ZP2: variants seen among roughly 807,000 people sequenced by gnomAD.
The protein encoded by ZP2 is zona pellucida glycoprotein 2.
In ZP2, 51 loss-of-function variants were observed where a neutral mutation model predicts 84.0. The observed-to-expected ratio is 0.61, with a 90% confidence interval of 0.49 to 0.77. The LOEUF (loss-of-function observed/expected upper bound fraction) is 0.77. ZP2 is among the 30% of genes least tolerant of loss of function. ZP2 has a pLI of 0.00. For missense variants in ZP2, 909 were observed against 911.9 expected, an observed-to-expected ratio of 1.00 and a Z score of 0.04; for synonymous variants, 375 against 330.9, an observed-to-expected ratio of 1.13 and a Z score of -1.45.
At position 21,202,832 on chromosome 16, in the gene ZP2, C is replaced by A. The variant is rs571657451; in HGVS notation, c.1099+293G>T. Among the ~76,000 whole-genome samples the A allele has an allele frequency of 9.2e-5, 14 of 152,122 alleles. No homozygotes were observed. The East Asian group carries it at 2.5e-3, about 27-fold the overall frequency. ...GGTGGGGGGGTACTTAAACTTAATTCTAATTAGAAGTTTGAATATTCTTAC... is the reference window on the plus strand; with the variant it reads ...GGTGGGGGGGTACTTAAACTTAATTATAATTAGAAGTTTGAATATTCTTAC... On this transcript the variant is annotated intron_variant, in intron 10 of 18. Coordinates refer to ENST00000574091, the MANE Select transcript of ZP2 (RefSeq NM_001376232.1).
In ZP2 at chr16:21,204,890, A is replaced by C. The variant is rs371925125; in HGVS notation, c.694-486T>G. 9.8e-5 allele frequency among the ~76,000 whole-genome samples: 15 copies of C among 152,358 alleles called. No individual in the cohort carries two copies. In the East Asian group the frequency reaches 1.5e-3, roughly 16 times the overall value. Reference sequence around the variant, plus strand: ...AACAATATAGGACAATGACAACCCAAACAGAACCCCTTAACCCATAAAGCT... The same window carrying C: ...AACAATATAGGACAATGACAACCCACACAGAACCCCTTAACCCATAAAGCT... On this transcript the variant is annotated intron_variant, in intron 7 of 18. Coordinates refer to ENST00000574091, the MANE Select transcript of ZP2 (RefSeq NM_001376232.1).
intron 8 of ZP2, 42 bp from the exon 9 acceptor site, chr16:21,204,253 T>G (rs1469532706): frequency 6.2e-7 from 1 of 1,613,936 alleles, no homozygotes. Flanking sequence ...CAGCCTTGAT[T>G]AAGCTTCTAG....
At chr16:21,212,880 T>A (rs111264381), upstream of ZP2, among the ~76,000 whole-genome samples, 500 of 152,208 alleles carry the variant, frequency 3.3e-3, 1 homozygote, top group African/African-American at 0.011. Flanking sequence ...GGCCTGATGG[T>A]TGTGTTTTTT....
At position 21,201,973 on chromosome 16, in the gene ZP2, C is replaced by T. The variant is rs143012218; in HGVS notation, c.1338G>A (p.Thr446=). 15 of 1,614,008 alleles carry T rather than the reference C, an allele frequency of 9.3e-6. No individual in the cohort carries two copies. The highest frequency in any genetic ancestry group is 5.3e-5 in the African/African-American group (4 of 75,012). The part of the protein sequence containing the change: ...VYENEIHALW[T]DFPPSKISRD... Reference sequence around the variant, plus strand: ...TAGATATTTTGCTTGGAGGAAAATCCGTCCAGAGAGCATGTATTTCGTTTT... The same window carrying T: ...TAGATATTTTGCTTGGAGGAAAATCTGTCCAGAGAGCATGTATTTCGTTTT... Residue 446 remains threonine, a synonymous_variant, in exon 12 of 19, where the codon ACG becomes ACA. Transcript: ENST00000574091.
chr16:21,200,689 G>C (rs2152854765), intron 14 of ZP2, among the ~76,000 whole-genome samples: 1 of 152,282 alleles, frequency 6.6e-6, no homozygotes, highest in Middle Eastern at 3.4e-3. Context: ...GTATTGTTTT[G>C]GGCTGGTTAT....
rs1198532473 is a variant in ZP2 at position 21,203,967 on chromosome 16, AC to A, written c.972+62del. On this transcript the variant is annotated intron_variant, in intron 9 of 18. Coordinates refer to ENST00000574091, the MANE Select transcript of ZP2 (RefSeq NM_001376232.1). The stretch of plus-strand genomic sequence containing the variant: ...GCAAGTTATCAGCCGTATGAGGACT[AC>A]CCACAAGAGTATACTTCAAGTCAGG... 1.9e-6 allele frequency: 3 copies of A among 1,582,820 alleles called. No individual in the cohort carries two copies. The East Asian group carries it at 6.7e-5, about 35-fold the overall frequency.
chr16:21,204,441 G>T (rs746676598), intron 7 of ZP2, 37 bp from the exon 8 acceptor site: 1 of 1,559,280 alleles, frequency 6.4e-7, no homozygotes, highest in Non-Finnish European at 8.8e-7. Flanking sequence ...CAAAAACATT[G>T]GTTACTTGAA....
At chr16:21,199,073 T>C (rs779872403) in intron 16 of ZP2, among the ~76,000 whole-genome samples, 10 of 152,110 alleles carry the variant, frequency 6.6e-5, no homozygotes, top group Non-Finnish European at 1.3e-4. Flanking sequence ...CCAGCACTTT[T>C]GGGAGGCCGA....
chr16:21,207,962 A>G (rs2093258096), intron 4 of ZP2, among the ~76,000 whole-genome samples: 1 of 152,022 alleles, frequency 6.6e-6, no homozygotes, highest in African/African-American at 2.4e-5. Context: ...GTTCATGCCT[A>G]TAATCCCAGT....
Position 21,197,798 on chromosome 16 carries a change from C to A in ZP2, c.2063G>T (p.Arg688Met), listed in dbSNP as rs1253058579. 11 of 1,614,058 alleles carry A rather than the reference C, an allele frequency of 6.8e-6. No individual in the cohort carries two copies. Among genetic ancestry groups the A allele is most frequent in the Non-Finnish European group, 8.5e-6 (10 of 1,180,030 alleles). Residue 688 changes from arginine (R) to methionine (M), a missense_variant, in exon 18 of 19, where the codon AGG becomes ATG. Physicochemically the swap from Arg to Met is moderately conservative, Grantham distance 91. Coordinates refer to ENST00000574091, the MANE Select transcript of ZP2 (RefSeq NM_001376232.1). Reference sequence around the variant, plus strand: ...GCCAACCTCCTCCCCTGTTTCACTCCTACTCTTCTCCCCACTGCTCCCACT... The same window carrying A: ...GCCAACCTCCTCCCCTGTTTCACTCATACTCTTCTCCCCACTGCTCCCACT... The part of the protein sequence containing the change: ...KASGSSGEKS[R>M]SETGEEVGSR...
Position 21,203,112 on chromosome 16 carries a change from A to G in ZP2, c.1099+13T>C. On this transcript the variant is annotated intron_variant, in intron 10 of 18. Transcript: ENST00000574091. Reference sequence around the variant, plus strand: ...AAAAAAGGTAGAACATGATTTTAATAAAAGGTCTTTACCTATAGAAACGGG... The same window carrying G: ...AAAAAAGGTAGAACATGATTTTAATGAAAGGTCTTTACCTATAGAAACGGG... 6.2e-7 allele frequency: 1 copy of G among 1,608,498 alleles called. No individual in the cohort carries two copies. The highest frequency in any genetic ancestry group is 8.5e-7 in the Non-Finnish European group (1 of 1,177,210).
intron 4 of ZP2, among the ~76,000 whole-genome samples, chr16:21,209,334 G>T (rs760960907): frequency 2.2e-4 from 33 of 152,072 alleles, no homozygotes; most frequent in Non-Finnish European, 4.6e-4. Context: ...CACCCAGCTA[G>T]TTTTTTGTAT....
intron 4 of ZP2, among the ~76,000 whole-genome samples, chr16:21,208,731 C>T (rs1009423618): frequency 6.6e-6 from 1 of 152,172 alleles, no homozygotes; most frequent in South Asian, 2.1e-4. Context: ...TTTGCTAGCA[C>T]CAAAATAGCC....
Position 21,210,143 on chromosome 16 carries a change from A to G in ZP2, c.201T>C (p.Ser67=), listed in dbSNP as rs771033937. The change falls in exon 3 of 19, where the codon AGT becomes AGC. Residue 67 remains serine, a synonymous_variant. Coordinates refer to ENST00000574091, the MANE Select transcript of ZP2 (RefSeq NM_001376232.1). The part of the protein sequence containing the change: ...EREITVEFPS[S]PGTKKWHASV... ...ATGCATGCCATTTCTTGGTGCCAGG[A>G]CTGCTTGGGAACTCCACTGTTATTT... 3.1e-6 allele frequency: 5 copies of G among 1,614,048 alleles called. No individual in the cohort carries two copies. In the East Asian group the frequency reaches 1.1e-4, roughly 36 times the overall value.
At chr16:21,202,331 G>A in intron 10 of ZP2, 40 bp from the exon 11 acceptor site, 3 of 1,469,240 alleles carry the variant, frequency 2.0e-6, no homozygotes, top group Non-Finnish European at 2.7e-6. Context: ...AAGTTTGTCT[G>A]CCCTGTGATA....
At chr16:21,202,368 C>T (rs1359450869) in intron 10 of ZP2, 77 bp from the exon 11 acceptor site, 39 of 1,297,496 alleles carry the variant, frequency 3.0e-5, no homozygotes, top group Admixed American at 1.5e-4. Context: ...TGATATGCTA[C>T]GAGGGAGAAA....
upstream of ZP2, chr16:21,214,403 T>C: frequency 5.7e-6 from 2 of 353,336 alleles, no homozygotes; most frequent in Non-Finnish European, 7.9e-6. Context: ...TATCAGGAGG[T>C]AGGAAAAACT....
chr16:21,204,546 A>C, intron 7 of ZP2, 142 bp from the exon 8 acceptor site: 1 of 679,340 alleles, frequency 1.5e-6, no homozygotes, highest in East Asian at 2.7e-5. Context: ...CTAATGACTA[A>C]TTTGTCTAAT....
chr16:21,205,615 G>A (rs776557003), intron 6 of ZP2, 31 bp from the exon 7 acceptor site: 2 of 1,613,352 alleles, frequency 1.2e-6, no homozygotes, highest in Admixed American at 1.7e-5. Flanking sequence ...TTAGAGGGCT[G>A]GTGCTCCCTT....
Sources: gnomAD v4.1 joint callset for allele counts (sites outside exome capture counted in the v4.1 genomes callset) on GRCh38, gnomAD v4.1.1 for gene constraint, MANE v1.5 for transcripts, NCBI Gene and HGNC (gene_info 2026-07-23, HGNC 2026-07-21) for gene names.